DHX32: variants seen among roughly 807,000 people sequenced by gnomAD.
DHX32 encodes DEAH-box helicase 32 (putative).
DHX32 carries 51 observed loss-of-function variants against 70.0 expected under a neutral mutation model. The observed-to-expected ratio is 0.73, with a 90% CI of 0.58 to 0.92. DHX32 has a LOEUF of 0.92. DHX32 is among the 40% of genes least tolerant of loss of function. The probability of loss-of-function intolerance (pLI) is 0.00; values close to 1 mark genes in which losing one functional copy is unlikely to be tolerated. For missense variants in DHX32, 762 were observed against 891.8 expected (o/e 0.85, Z 1.85); for synonymous variants, 310 against 315.3 (o/e 0.98, Z 0.18).
intron 1 of DHX32, among the ~76,000 whole-genome samples, chr10:125,871,516 T>C (rs771173256): frequency 1.3e-5 from 2 of 152,200 alleles, no homozygotes; most frequent in South Asian, 2.1e-4. Flanking sequence ...TACTTGGAGA[T>C]AGTTAACAGT....
At chr10:125,861,999 A>G (rs879727082) in intron 2 of DHX32, among the ~76,000 whole-genome samples, 6 of 152,124 alleles carry the variant, frequency 3.9e-5, no homozygotes, top group Non-Finnish European at 7.4e-5. Context: ...GCTGGTGTAT[A>G]TGTTTCTCAT....
Position 125,852,535 on chromosome 10 carries a change from A to G in DHX32, c.1192+8T>C, listed in dbSNP as rs1944104448. ...GACAACATTTAGTATTTGTGTCCAC[A>G]GCACTACCTGAAGAAGATGAGCCAA... On this transcript the variant is annotated splice_region_variant and intron_variant, in intron 5 of 10. Transcript: ENST00000284690. 1 of 1,613,192 alleles carries G rather than the reference A, an allele frequency of 6.2e-7. No individual in the cohort carries two copies.
At chr10:125,868,884 T>G (rs1180953623) in intron 1 of DHX32, among the ~76,000 whole-genome samples, 1 of 152,104 alleles carries the variant, frequency 6.6e-6, no homozygotes, top group African/African-American at 2.4e-5. Flanking sequence ...ACGGTGTGCT[T>G]CCCACCGTGG....
At chr10:125,860,621 C>T (rs1048571100) in intron 2 of DHX32, among the ~76,000 whole-genome samples, 2 of 152,144 alleles carry the variant, frequency 1.3e-5, no homozygotes, top group Admixed American at 1.3e-4. Flanking sequence ...TTTTAATGGG[C>T]TTTTCCCATA....
In DHX32 at chr10:125,859,585, A is replaced by G. The variant is rs1564828001; in HGVS notation, c.849+18T>C. 1 of 1,544,004 alleles carries G rather than the reference A, an allele frequency of 6.5e-7. No individual in the cohort carries two copies. Among genetic ancestry groups the G allele is most frequent in the South Asian group, 1.3e-5 (1 of 78,028 alleles). On this transcript the variant is annotated intron_variant, in intron 3 of 10. Coordinates refer to ENST00000284690, the MANE Select transcript of DHX32 (RefSeq NM_018180.3). Reference sequence around the variant, plus strand: ...TGAAATACCTTATTACTGTAAGGTTAGAGTATCACTTACTTACTTGTTCAC... The same window carrying G: ...TGAAATACCTTATTACTGTAAGGTTGGAGTATCACTTACTTACTTGTTCAC...
At chr10:125,839,862 C>T (rs910851530) in intron 8 of DHX32, among the ~76,000 whole-genome samples, 1 of 152,166 alleles carries the variant, frequency 6.6e-6, no homozygotes, top group African/African-American at 2.4e-5. Context: ...TTACCCTGTC[C>T]TGTCCACTCA....
At chr10:125,843,331 A>C (rs1402493734) in intron 6 of DHX32, among the ~76,000 whole-genome samples, 1 of 152,098 alleles carries the variant, frequency 6.6e-6, no homozygotes, top group Non-Finnish European at 1.5e-5. Context: ...TCTATGTCTA[A>C]ATTTCAGGCA....
At chr10:125,854,612 CAAGGTAT>C (rs1347072942) in intron 3 of DHX32, 1 of 157,734 alleles carries the variant, frequency 6.3e-6, no homozygotes, top group African/African-American at 2.4e-5. Flanking sequence ...AGAAAAATAG[CAAGGTAT>C]CACAGGTCAC....
At chr10:125,863,712 G>C (rs1052495949) in intron 2 of DHX32, among the ~76,000 whole-genome samples, 3 of 152,142 alleles carry the variant, frequency 2.0e-5, no homozygotes, top group African/African-American at 7.2e-5. Context: ...GCTTCCCAAA[G>C]TGCTGGGATT....
At chr10:125,847,742 C>T (rs1438841790) in intron 6 of DHX32, among the ~76,000 whole-genome samples, 1 of 133,164 alleles carries the variant, frequency 7.5e-6, no homozygotes, top group Non-Finnish European at 1.7e-5. Flanking sequence ...AGCTTGTTTT[C>T]CTGTAACTAG....
chr10:125,867,735 CAAAAA>C (rs1255031059), intron 1 of DHX32, among the ~76,000 whole-genome samples: 2 of 56,482 alleles, frequency 3.5e-5, no homozygotes. Context: ...GACTCCGTCT[CAAAAA>C]AAAAAAAAAA....
chr10:125,845,230 G>A (rs977342314), intron 6 of DHX32, among the ~76,000 whole-genome samples: 4 of 152,082 alleles, frequency 2.6e-5, no homozygotes, highest in South Asian at 2.1e-4. Context: ...AGGAAGCCTC[G>A]GTTGGCTCCC....
intron 8 of DHX32, among the ~76,000 whole-genome samples, chr10:125,839,844 A>G (rs1854819500): frequency 6.6e-6 from 1 of 152,076 alleles, no homozygotes; most frequent in Admixed American, 6.6e-5. Context: ...TGGACAGAAG[A>G]CCCTCATTTA....
chr10:125,839,068 G>C lies in DHX32; in HGVS notation c.1814C>G (p.Pro605Arg), dbSNP rs1854789684. The change falls in exon 9 of 11, where the codon CCT (proline) becomes CGT (arginine). Residue 605 changes from proline (P) to arginine (R), a missense_variant. Pro to Arg is a moderately radical substitution (Grantham distance 103, BLOSUM62 -2). Transcript: ENST00000284690. ...IKRIELPYAEPAFGSKENTLN... is the reference protein window; with the variant it reads ...IKRIELPYAERAFGSKENTLN... ...AGTGTTTTCCTTGGAGCCAAAAGCA[G>C]GTTCTGCATAGGGAAGCTCGATTCG... 5 of 1,614,194 alleles carry C rather than the reference G, an allele frequency of 3.1e-6. No individual in the cohort carries two copies. The East Asian group carries it at 1.1e-4, about 36-fold the overall frequency.
intron 1 of DHX32, among the ~76,000 whole-genome samples, chr10:125,887,244 T>C (rs1336713005): frequency 1.3e-5 from 2 of 152,232 alleles, no homozygotes; most frequent in Non-Finnish European, 2.9e-5. Context: ...GTGCCTAATA[T>C]GTGTCTGCAA....
rs1002158569 is a variant in DHX32 at position 125,836,560 on chromosome 10, G to T, written c.*127C>A. 6 of 1,346,782 alleles carry T rather than the reference G, an allele frequency of 4.5e-6. No homozygotes were observed. The African/African-American group carries it at 8.8e-5, about 20-fold the overall frequency. 83.4% of individuals were successfully genotyped at this position (1,346,782 alleles called of 1,614,324 possible). A position where few individuals can be genotyped will look rare whatever the true frequency, so the allele number is the denominator to read the frequency against. ...TTTTTATTTTAAAATAATATACACA[G>T]TGTTATTTTCTTCAAGACCGTCCTG... On this transcript the variant is annotated 3_prime_UTR_variant, in exon 11 of 11. Coordinates refer to ENST00000284690, the MANE Select transcript of DHX32 (RefSeq NM_018180.3).
intron 1 of DHX32, among the ~76,000 whole-genome samples, chr10:125,871,323 G>A (rs113871377): frequency 0.015 from 2,224 of 152,310 alleles, 56 homozygotes; most frequent in African/African-American, 0.05. Flanking sequence ...AATGGGAAAA[G>A]GCCATCTAAA....
At chr10:125,844,532 G>T (rs1854958273) in intron 6 of DHX32, among the ~76,000 whole-genome samples, 1 of 152,202 alleles carries the variant, frequency 6.6e-6, no homozygotes, top group Non-Finnish European at 1.5e-5. Flanking sequence ...TATTATATTA[G>T]AAAGAATGAG....
intron 1 of DHX32, among the ~76,000 whole-genome samples, chr10:125,878,336 T>C (rs1270228194): frequency 2.6e-5 from 4 of 152,206 alleles, no homozygotes; most frequent in Non-Finnish European, 5.9e-5. Flanking sequence ...CAGGAGGAGA[T>C]GACTAAGTAA....
Sources: gnomAD v4.1 joint callset for allele counts (sites outside exome capture counted in the v4.1 genomes callset) on GRCh38, gnomAD v4.1.1 for gene constraint, MANE v1.5 for transcripts, NCBI Gene and HGNC (gene_info 2026-07-23, HGNC 2026-07-21) for gene names.